PDSS2: variants seen among roughly 807,000 people sequenced by gnomAD.
PDSS2 encodes the protein all trans-polyprenyl-diphosphate synthase PDSS2.
In PDSS2, 31 loss-of-function variants were observed where a neutral mutation model predicts 44.5. The ratio of observed to expected loss-of-function variants is 0.70; its 90% CI spans 0.52 to 0.94. PDSS2 has a LOEUF of 0.94. Among genes scored for constraint, PDSS2 ranks in the 40% least tolerant of loss-of-function variants. The probability of loss-of-function intolerance (pLI) is 0.00; values close to 1 mark genes in which losing one functional copy is unlikely to be tolerated. For synonymous variants in PDSS2, 157 were observed against 180.3 expected (o/e 0.87, Z 1.03); for missense variants, 452 against 482.2 (o/e 0.94, Z 0.59).
chr6:107,451,516 C>A (rs1781865386), intron 1 of PDSS2, among the ~76,000 whole-genome samples: 1 of 152,078 alleles, frequency 6.6e-6, no homozygotes, highest in South Asian at 2.1e-4. Flanking sequence ...GGGCATAAAC[C>A]CCTCGTAGCC....
intron 7 of PDSS2, among the ~76,000 whole-genome samples, chr6:107,179,331 A>C (rs576739607): frequency 6.6e-6 from 1 of 151,718 alleles, no homozygotes; most frequent in South Asian, 2.1e-4. Context: ...CCCAGGCTGG[A>C]GTGCAGTGGT....
intron 6 of PDSS2, among the ~76,000 whole-genome samples, chr6:107,195,243 G>A (rs1003615496): frequency 1.3e-5 from 2 of 152,050 alleles, no homozygotes; most frequent in Admixed American, 6.5e-5. Flanking sequence ...CACCTTGGGA[G>A]GCCAAGGCAA....
chr6:107,433,205 C>T (rs1781247786), intron 1 of PDSS2, among the ~76,000 whole-genome samples: 1 of 151,760 alleles, frequency 6.6e-6, no homozygotes, highest in South Asian at 2.1e-4. Context: ...GTTAAAATAT[C>T]CATACTACCC....
intron 4 of PDSS2, among the ~76,000 whole-genome samples, chr6:107,244,040 A>T (rs1042681796): frequency 6.6e-6 from 1 of 152,216 alleles, no homozygotes; most frequent in African/African-American, 2.4e-5. Flanking sequence ...AGGCAGGATA[A>T]TCGCTTGAAC....
At chr6:107,255,013 A>G (rs1203556463) in intron 3 of PDSS2, among the ~76,000 whole-genome samples, 1 of 145,902 alleles carries the variant, frequency 6.9e-6, no homozygotes, top group South Asian at 2.2e-4. Context: ...ACAGGTGCCC[A>G]TTACCATGCC....
chr6:107,245,528 A>C lies in PDSS2; in HGVS notation c.702+20T>G, dbSNP rs1415224416. 2 of 1,386,870 alleles carry C rather than the reference A, an allele frequency of 1.4e-6. No individual in the cohort carries two copies. 85.9% of individuals were successfully genotyped at this position (1,386,870 alleles called of 1,614,324 possible). ...ACGACGGTTTATAACATAACATTTT[A>C]TGACTCTGAAATCCTTTACCTTTGA... On this transcript the variant is annotated intron_variant, in intron 4 of 7. Coordinates refer to ENST00000369037, the MANE Select transcript of PDSS2 (RefSeq NM_020381.4).
chr6:107,455,057 T>C (rs1290465974), intron 1 of PDSS2, among the ~76,000 whole-genome samples: 1 of 152,040 alleles, frequency 6.6e-6, no homozygotes, highest in East Asian at 1.9e-4. Flanking sequence ...ATTAGCTCTT[T>C]CTTTTCTTAC....
chr6:107,347,153 TG>T (rs1166928597), intron 1 of PDSS2, among the ~76,000 whole-genome samples: 3 of 152,098 alleles, frequency 2.0e-5, no homozygotes, highest in Non-Finnish European at 4.4e-5. Flanking sequence ...AGGACCTGCA[TG>T]GGCCCAGCTT....
At chr6:107,211,157 ACTAAT>A (rs758900185) in intron 5 of PDSS2, among the ~76,000 whole-genome samples, 1 of 152,022 alleles carries the variant, frequency 6.6e-6, no homozygotes, top group African/African-American at 2.4e-5. Flanking sequence ...TGCTTAATAA[ACTAAT>A]CTAAGATTAA....
At chr6:107,184,832 CT>C (rs11317648) in intron 7 of PDSS2, among the ~76,000 whole-genome samples, 64,420 of 147,356 alleles carry the variant, frequency 0.44, 14,588 homozygotes, top group African/African-American at 0.6. Flanking sequence ...TCTGGAAGAT[CT>C]TTTTTTTTTT....
intron 2 of PDSS2, among the ~76,000 whole-genome samples, chr6:107,327,624 T>A (rs1777589132): frequency 6.6e-6 from 1 of 152,068 alleles, no homozygotes; most frequent in Non-Finnish European, 1.5e-5. Context: ...GCCCAGCTAA[T>A]TTTTTTGTAT....
intron 1 of PDSS2, among the ~76,000 whole-genome samples, chr6:107,345,794 T>C (rs1181147921): frequency 2.6e-5 from 4 of 152,054 alleles, no homozygotes; most frequent in African/African-American, 7.2e-5. Context: ...TTTAGGAAAA[T>C]CTCGTTTATT....
chr6:107,445,429 T>C (rs545564101), intron 1 of PDSS2, among the ~76,000 whole-genome samples: 1 of 152,302 alleles, frequency 6.6e-6, no homozygotes, highest in East Asian at 1.9e-4. Flanking sequence ...AAAATTTTTC[T>C]GATTTTAGGA....
chr6:107,244,516 C>T (rs1774545630), intron 4 of PDSS2, among the ~76,000 whole-genome samples: 1 of 152,174 alleles, frequency 6.6e-6, no homozygotes, highest in African/African-American at 2.4e-5. Context: ...GAGGTCTCTG[C>T]ATACCAATAT....
intron 7 of PDSS2, among the ~76,000 whole-genome samples, chr6:107,184,414 A>T (rs923561355): frequency 7.9e-5 from 12 of 152,254 alleles, no homozygotes; most frequent in African/African-American, 2.7e-4. Flanking sequence ...TGGCTGAAGC[A>T]TCTATGTGTA....
chr6:107,429,775 T>C (rs1781112775), intron 1 of PDSS2, among the ~76,000 whole-genome samples: 1 of 149,476 alleles, frequency 6.7e-6, no homozygotes, highest in African/African-American at 2.5e-5. Context: ...TCCCAGCTAC[T>C]TCGGAGGCTG....
chr6:107,363,989 G>C (rs778862118), intron 1 of PDSS2, among the ~76,000 whole-genome samples: 2 of 151,288 alleles, frequency 1.3e-5, no homozygotes, highest in Non-Finnish European at 2.9e-5. Context: ...GCCGATTGGT[G>C]TATTTGCAAT....
At chr6:107,255,198 A>ATTT (rs771098042) in intron 3 of PDSS2, among the ~76,000 whole-genome samples, 3 of 126,392 alleles carry the variant, frequency 2.4e-5, no homozygotes, top group African/African-American at 5.9e-5. Context: ...ATTGCATTCT[A>ATTT]TTTTTTTTTT....
chr6:107,409,682 T>C (rs866281834), intron 1 of PDSS2, among the ~76,000 whole-genome samples: 22 of 152,348 alleles, frequency 1.4e-4, no homozygotes, highest in African/African-American at 5.0e-4. Flanking sequence ...ACTAACATTA[T>C]GTGCTTATGT....
Sources: allele counts gnomAD v4.1 joint callset (sites outside exome capture counted in the v4.1 genomes callset), GRCh38; gene constraint gnomAD v4.1.1; transcripts MANE v1.5; gene names NCBI Gene and HGNC (gene_info 2026-07-23, HGNC 2026-07-21).